The following NKAIN3 variants were observed in gnomAD, a reference collection of about 807,000 sequenced individuals.
NKAIN3 encodes sodium/potassium transporting ATPase interacting 3, also known as sodium/potassium-transporting ATPase subunit beta-1-interacting protein 3.
A neutral mutation model predicts 30.2 loss-of-function variants in NKAIN3; 25 were observed. The observed-to-expected ratio is 0.83, with a 90% CI of 0.60 to 1.16. NKAIN3 has a LOEUF of 1.16. NKAIN3 is among the 50% of genes most tolerant of loss of function. The pLI is 0.00. For synonymous variants in NKAIN3, 91 were observed against 89.6 expected (o/e 1.02, Z -0.09); for missense variants, 225 against 254.1 (o/e 0.89, Z 0.78).
chr8:62,588,840 A>G (rs1459930386), intron 2 of NKAIN3, among the ~76,000 whole-genome samples: 1 of 151,814 alleles, frequency 6.6e-6, no homozygotes, highest in Non-Finnish European at 1.5e-5. Context: ...TGTGTTCTAC[A>G]GTAAGTACTA....
chr8:62,360,949 C>G (rs756383876), intron 1 of NKAIN3, among the ~76,000 whole-genome samples: 2 of 151,014 alleles, frequency 1.3e-5, no homozygotes, highest in Non-Finnish European at 2.9e-5. Context: ...TTTTATCTTC[C>G]TATTATGAAA....
intron 1 of NKAIN3, among the ~76,000 whole-genome samples, chr8:62,374,355 G>T (rs184291520): frequency 6.6e-6 from 1 of 152,190 alleles, no homozygotes; most frequent in Non-Finnish European, 1.5e-5. Context: ...ATATTCATAA[G>T]TACTGGCAAT....
intron 4 of NKAIN3, among the ~76,000 whole-genome samples, chr8:62,871,344 A>C: frequency 6.8e-6 from 1 of 147,768 alleles, no homozygotes. Flanking sequence ...CAGAGGTTGC[A>C]GTTGGCCGAG....
At position 62,976,681 on chromosome 8, in the gene NKAIN3, C is replaced by T. The variant is rs531314994; in HGVS notation, c.*11274C>T. Among the ~76,000 whole-genome samples, 4 of 152,312 alleles carry T rather than the reference C, an allele frequency of 2.6e-5. No individual in the cohort carries two copies. Among genetic ancestry groups the T allele is most frequent in the African/African-American group, 9.6e-5 (4 of 41,560 alleles). On this transcript the variant is annotated 3_prime_UTR_variant, in exon 7 of 7. Coordinates refer to ENST00000623646, the MANE Select transcript of NKAIN3 (RefSeq NM_001304533.3). ...TTAATTGGGGCATTTAGCCCATTTACATTTAAGGTTAATATTGTTATGTGT... is the reference window on the plus strand; with the variant it reads ...TTAATTGGGGCATTTAGCCCATTTATATTTAAGGTTAATATTGTTATGTGT...
At chr8:62,830,266 C>T (rs768164437) in intron 4 of NKAIN3, among the ~76,000 whole-genome samples, 2 of 152,098 alleles carry the variant, frequency 1.3e-5, no homozygotes, top group Non-Finnish European at 2.9e-5. Flanking sequence ...TTTGTAGCCA[C>T]TTATACAGTA....
chr8:62,794,467 C>T (rs1817797402), intron 4 of NKAIN3, among the ~76,000 whole-genome samples: 1 of 152,082 alleles, frequency 6.6e-6, no homozygotes, highest in South Asian at 2.1e-4. Context: ...GATTCTGAAG[C>T]GGCTCTCTGG....
At chr8:62,996,709 A>G (rs539945981) in intron 5 of NKAIN3, among the ~76,000 whole-genome samples, 1 of 152,308 alleles carries the variant, frequency 6.6e-6, no homozygotes, top group African/African-American at 2.4e-5. Context: ...CTATTCCAAA[A>G]TGGGAGAAAT....
chr8:62,604,836 A>G (rs1336401115), intron 3 of NKAIN3, among the ~76,000 whole-genome samples: 1 of 152,144 alleles, frequency 6.6e-6, no homozygotes, highest in African/African-American at 2.4e-5. Flanking sequence ...AAATTTTCTA[A>G]GTGTTCAACT....
intron 3 of NKAIN3, among the ~76,000 whole-genome samples, chr8:62,700,949 TC>T: frequency 6.6e-6 from 1 of 152,346 alleles, no homozygotes; most frequent in East Asian, 1.9e-4. Flanking sequence ...ACAAATTATT[TC>T]TAAATATTAT....
intron 1 of NKAIN3, among the ~76,000 whole-genome samples, chr8:62,302,470 A>T (rs1200882728): frequency 6.6e-6 from 1 of 152,080 alleles, no homozygotes; most frequent in Non-Finnish European, 1.5e-5. Context: ...TTTTTGAAAG[A>T]TGTATCAATA....
At chr8:62,289,662 G>C (rs981913207) in intron 1 of NKAIN3, among the ~76,000 whole-genome samples, 1 of 152,154 alleles carries the variant, frequency 6.6e-6, no homozygotes, top group African/African-American at 2.4e-5. Context: ...AGTATAGTTT[G>C]AAGTCAGGTA....
chr8:62,435,713 C>A (rs976607607), intron 1 of NKAIN3, among the ~76,000 whole-genome samples: 18 of 151,980 alleles, frequency 1.2e-4, no homozygotes, highest in African/African-American at 4.1e-4. Flanking sequence ...GATATATGTT[C>A]TTTGGAAATA....
chr8:62,386,072 T>G (rs1817416340), intron 1 of NKAIN3, among the ~76,000 whole-genome samples: 1 of 152,226 alleles, frequency 6.6e-6, no homozygotes, highest in Admixed American at 6.5e-5. Context: ...ACTTGTGTAC[T>G]GAGACTTCTC....
At chr8:62,654,428 G>T (rs1419001690) in intron 3 of NKAIN3, among the ~76,000 whole-genome samples, 1 of 152,076 alleles carries the variant, frequency 6.6e-6, no homozygotes, top group Non-Finnish European at 1.5e-5. Flanking sequence ...ACACTCAAAA[G>T]CTTCAATGGC....
At chr8:62,758,178 A>C (rs1563548797) in intron 4 of NKAIN3, among the ~76,000 whole-genome samples, 1 of 151,542 alleles carries the variant, frequency 6.6e-6, no homozygotes, top group Non-Finnish European at 1.5e-5. Context: ...TTTGCTGTTA[A>C]AAAACAAAAC....
At chr8:62,564,355 C>A (rs1281541993) in intron 1 of NKAIN3, among the ~76,000 whole-genome samples, 2 of 152,144 alleles carry the variant, frequency 1.3e-5, no homozygotes, top group Admixed American at 1.3e-4. Flanking sequence ...CACCCTCACC[C>A]CCACTACCTC....
At chr8:62,431,461 A>G (rs1301212804) in intron 1 of NKAIN3, among the ~76,000 whole-genome samples, 1 of 151,796 alleles carries the variant, frequency 6.6e-6, no homozygotes, top group African/African-American at 2.4e-5. Flanking sequence ...GGCTGAACCC[A>G]TTTGTGCTAA....
intron 4 of NKAIN3, among the ~76,000 whole-genome samples, chr8:62,836,739 A>G (rs574128712): frequency 9.2e-5 from 14 of 152,202 alleles, no homozygotes; most frequent in African/African-American, 2.4e-4. Flanking sequence ...TTTGGCTCCA[A>G]TGCTCTCAAT....
chr8:62,838,125 C>T (rs554041064), intron 4 of NKAIN3, among the ~76,000 whole-genome samples: 8 of 100,136 alleles, frequency 8.0e-5, no homozygotes, highest in African/African-American at 2.2e-4. Context: ...TGAACAATAC[C>T]GCTCTGTGTG....
Sources: gnomAD v4.1 joint callset for allele counts (sites outside exome capture counted in the v4.1 genomes callset) on GRCh38, gnomAD v4.1.1 for gene constraint, MANE v1.5 for transcripts, NCBI Gene and HGNC (gene_info 2026-07-23, HGNC 2026-07-21) for gene names.